The following LAMB4 variants were observed in gnomAD, a reference collection of about 807,000 sequenced individuals.
The protein encoded by LAMB4 is laminin subunit beta-4.
In LAMB4, 196 loss-of-function variants were observed where a neutral mutation model predicts 199.2. The observed-to-expected ratio is 0.98, with a 90% confidence interval of 0.88 to 1.11. LAMB4 has a LOEUF of 1.11. Among genes scored for constraint, LAMB4 ranks in the 50% least tolerant of loss-of-function variants. LAMB4 has a pLI of 0.00. For missense variants in LAMB4, 2,080 were observed against 2,171.2 expected (o/e 0.96, Z 0.83); for synonymous variants, 744 against 770.6 (o/e 0.97, Z 0.57).
At chr7:108,092,749 A>C (rs1208088423) in intron 12 of LAMB4, among the ~76,000 whole-genome samples, 1 of 152,122 alleles carries the variant, frequency 6.6e-6, no homozygotes, top group African/African-American at 2.4e-5. Context: ...TCTACTAAAA[A>C]TACAAAAATT....
At chr7:108,129,806 G>A (rs1366942161) in intron 1 of LAMB4, among the ~76,000 whole-genome samples, 1 of 152,208 alleles carries the variant, frequency 6.6e-6, no homozygotes, top group African/African-American at 2.4e-5. Flanking sequence ...TGGGATTACA[G>A]GCATGAGCCA....
At chr7:108,042,113 A>G in intron 29 of LAMB4, among the ~76,000 whole-genome samples, 1 of 152,096 alleles carries the variant, frequency 6.6e-6, no homozygotes, top group East Asian at 1.9e-4. Flanking sequence ...TGTAATGATA[A>G]TTTTATTGGG....
intron 33 of LAMB4, among the ~76,000 whole-genome samples, chr7:108,025,409 C>CT (rs1304335892): frequency 0.011 from 1,254 of 116,084 alleles, 51 homozygotes; most frequent in African/African-American, 0.059. Context: ...TTCTTTCTTT[C>CT]TTTCTTTCTT....
the LAMB4 span, among the ~76,000 whole-genome samples, chr7:108,012,439 A>G: frequency 1.3e-5 from 2 of 152,206 alleles, no homozygotes; most frequent in African/African-American, 4.8e-5. Flanking sequence ...ATTAAACACA[A>G]ACGTAAAAAT....
intron 2 of LAMB4, among the ~76,000 whole-genome samples, chr7:108,121,704 C>A (rs1410172962): frequency 6.7e-6 from 1 of 150,296 alleles, no homozygotes; most frequent in Non-Finnish European, 1.5e-5. Flanking sequence ...GAGCTGAGAT[C>A]GCACCATTGC....
chr7:108,055,777 C>A lies in LAMB4; in HGVS notation c.3610G>T (p.Glu1204Ter). 2 of 1,614,186 alleles carry A rather than the reference C, an allele frequency of 1.2e-6. No individual in the cohort carries two copies. The highest frequency in any genetic ancestry group is 2.2e-5 in the South Asian group (2 of 91,072). The change falls in exon 25 of 34, where the codon GAA (glutamate) becomes TAA (stop). Residue 1204 changes from glutamate to a stop codon, truncating the protein, a stop_gained. Coordinates refer to ENST00000388781, the MANE Select transcript of LAMB4 (RefSeq NM_007356.3). LOFTEE classifies it high-confidence loss of function. ...ACAGGCAGGGTCTCTCTTTTATCTT[C>A]CATGTTAGCAGCCAGTCTCATTAAC... ...QGLMRLAANM[E>*]DKRETLPVCE...
At chr7:108,041,337 G>A (rs1435478857) in intron 29 of LAMB4, among the ~76,000 whole-genome samples, 1 of 152,162 alleles carries the variant, frequency 6.6e-6, no homozygotes, top group Non-Finnish European at 1.5e-5. Context: ...AAACAGTGTG[G>A]TGATTCCTCA....
chr7:108,115,842 G>T (rs943580712), intron 3 of LAMB4, among the ~76,000 whole-genome samples, 162 bp downstream of exon 3: 2 of 152,110 alleles, frequency 1.3e-5, no homozygotes, highest in Admixed American at 6.5e-5. Flanking sequence ...AAGGGTCCCG[G>T]CACCAACGCC....
chr7:108,078,374 C>T (rs563975278), intron 15 of LAMB4, 58 bp from the exon 16 acceptor site: 25 of 1,051,300 alleles, frequency 2.4e-5, no homozygotes, highest in Non-Finnish European at 3.3e-5. Flanking sequence ...ATGTTTTGCA[C>T]GTACACACAT....
chr7:108,111,104 A>G (rs73725337), intron 4 of LAMB4, among the ~76,000 whole-genome samples: 2,298 of 152,274 alleles, frequency 0.015, 57 homozygotes, highest in African/African-American at 0.052. Flanking sequence ...CTAGTGTTAA[A>G]GAAGGGTCAT....
intron 4 of LAMB4, 128 bp from the exon 5 acceptor site, chr7:108,109,372 C>T (rs2150666736): frequency 4.2e-6 from 3 of 708,612 alleles, no homozygotes; most frequent in South Asian, 1.7e-5. Flanking sequence ...ATCACTCTTC[C>T]CAGTCTGTTG....
Position 108,055,928 on chromosome 7 carries a change from G to A in LAMB4, c.3459C>T (p.Val1153=), listed in dbSNP as rs894036249. The change falls in exon 25 of 34, where the codon GTC becomes GTT. Residue 1153 remains valine, a synonymous_variant. Coordinates refer to ENST00000388781, the MANE Select transcript of LAMB4 (RefSeq NM_007356.3). The stretch of plus-strand genomic sequence containing the variant: ...CACAGCGATCACATCTCTGGCCGCT[G>A]ACACCCTCCCGGCAGCGGCACATGC... The part of the protein sequence containing the change: ...DTGMCRCREG[V]SGQRCDRCAR... The A allele has an allele frequency of 6.2e-7, 1 of 1,614,186 alleles. No homozygotes were observed. Among genetic ancestry groups the A allele is most frequent in the Non-Finnish European group, 8.5e-7 (1 of 1,180,030 alleles).
At chr7:108,088,430 C>T (rs980447891) in intron 14 of LAMB4, among the ~76,000 whole-genome samples, 4 of 152,178 alleles carry the variant, frequency 2.6e-5, no homozygotes, top group African/African-American at 9.7e-5. Context: ...TCTCAAAGTG[C>T]TGGGATTACA....
chr7:108,106,628 A>AAC, intron 6 of LAMB4, 56 bp from the exon 7 acceptor site: 1 of 1,049,628 alleles, frequency 9.5e-7, no homozygotes, highest in Non-Finnish European at 1.4e-6. Flanking sequence ...GTAATTGTCA[A>AAC]ACACACTCTT....
At chr7:108,113,940 A>C (rs1455385623) in intron 3 of LAMB4, among the ~76,000 whole-genome samples, 2 of 152,170 alleles carry the variant, frequency 1.3e-5, no homozygotes, top group Non-Finnish European at 2.9e-5. Context: ...AAATATTTTG[A>C]GGTTTTTTCC....
the LAMB4 span, among the ~76,000 whole-genome samples, chr7:108,018,254 C>G: frequency 3.9e-5 from 6 of 152,224 alleles, no homozygotes; most frequent in African/African-American, 1.4e-4. Flanking sequence ...CATCTATTTG[C>G]CCCCTTCTCT....
At chr7:108,039,176 C>T (rs1394032712) in intron 29 of LAMB4, among the ~76,000 whole-genome samples, 1 of 151,928 alleles carries the variant, frequency 6.6e-6, no homozygotes, top group East Asian at 1.9e-4. Flanking sequence ...GAGTAGTGTG[C>T]TTAGAAGGGC....
Position 108,116,118 on chromosome 7 carries a change from A to T in LAMB4, c.78T>A (p.Gly26=). 7 of 1,613,974 alleles carry T rather than the reference A, an allele frequency of 4.3e-6. No individual in the cohort carries two copies. The highest frequency in any genetic ancestry group is 5.9e-6 in the Non-Finnish European group (7 of 1,179,928). The part of the protein sequence containing the change: ...YSKAQDDCNR[G]ACHPTTGDLL... ...GATCACCAGTGGTGGGATGACAGGC[A>T]CCCCTGTTGCAGTCATCTTGAGCTT... Residue 26 remains glycine, a synonymous_variant, in exon 3 of 34, where the codon GGT becomes GGA. Transcript: ENST00000388781.
At chr7:108,050,989 T>C (rs781532952) in intron 26 of LAMB4, among the ~76,000 whole-genome samples, 42 of 152,220 alleles carry the variant, frequency 2.8e-4, no homozygotes, top group Non-Finnish European at 5.9e-4. Flanking sequence ...AGGGACTTGC[T>C]GTAATGATCT....
Sources: allele counts gnomAD v4.1 joint callset (sites outside exome capture counted in the v4.1 genomes callset), GRCh38; gene constraint gnomAD v4.1.1; transcripts MANE v1.5; gene names NCBI Gene and HGNC (gene_info 2026-07-23, HGNC 2026-07-21).